OR6N1: variants seen among roughly 807,000 people sequenced by gnomAD.
OR6N1 encodes olfactory receptor 6N1.
For missense variants in OR6N1, 394 were observed against 371.7 expected (o/e 1.06, Z -0.49); for synonymous variants, 170 against 150.7 (o/e 1.13, Z -0.94).
At chr1:158,797,509 G>A in the OR6N1 span, among the ~76,000 whole-genome samples, 2 of 152,140 alleles carry the variant, frequency 1.3e-5, no homozygotes, top group Non-Finnish European at 1.5e-5. Context: ...CACTGTATGT[G>A]TATATTTTGT....
the OR6N1 span, among the ~76,000 whole-genome samples, chr1:158,787,672 T>C: frequency 0.034 from 3,644 of 107,756 alleles, 154 homozygotes; most frequent in African/African-American, 0.12. Flanking sequence ...CACACACACA[T>C]ACACAAATAC....
the OR6N1 span, among the ~76,000 whole-genome samples, chr1:158,823,069 A>G: frequency 6.6e-6 from 1 of 152,186 alleles, no homozygotes; most frequent in African/African-American, 2.4e-5. Flanking sequence ...ACACTTGGTC[A>G]TGGTGGACTA....
chr1:158,816,315 G>A, the OR6N1 span, among the ~76,000 whole-genome samples: 1 of 152,138 alleles, frequency 6.6e-6, no homozygotes, highest in Non-Finnish European at 1.5e-5. Context: ...CACTTTGTAT[G>A]TTTTGTTTCC....
At chr1:158,797,170 C>T in the OR6N1 span, among the ~76,000 whole-genome samples, 4 of 152,224 alleles carry the variant, frequency 2.6e-5, 1 homozygote, top group South Asian at 8.3e-4. Flanking sequence ...CACCTGCCCC[C>T]TTTGTCTCTG....
chr1:158,784,043 T>C, the OR6N1 span, among the ~76,000 whole-genome samples: 3 of 151,984 alleles, frequency 2.0e-5, no homozygotes, highest in African/African-American at 7.3e-5. Flanking sequence ...GAGGCGGAGC[T>C]TGCAGTGAGC....
the OR6N1 span, among the ~76,000 whole-genome samples, chr1:158,816,445 A>T: frequency 6.6e-6 from 1 of 151,872 alleles, no homozygotes; most frequent in African/African-American, 2.4e-5. Flanking sequence ...TAATCCCAGC[A>T]CTTCAGGAGG....
chr1:158,836,928 A>G, the OR6N1 span, among the ~76,000 whole-genome samples: 3 of 151,846 alleles, frequency 2.0e-5, no homozygotes, highest in Non-Finnish European at 1.5e-5. Context: ...TTCTCTAAAT[A>G]TGGATTTAAA....
At chr1:158,786,298 C>A in the OR6N1 span, among the ~76,000 whole-genome samples, 121 of 152,090 alleles carry the variant, frequency 8.0e-4, 2 homozygotes, top group Admixed American at 1.2e-3. Context: ...TAATGAGAGA[C>A]CACCTTACTC....
chr1:158,791,838 C>A, the OR6N1 span, among the ~76,000 whole-genome samples: 12 of 152,138 alleles, frequency 7.9e-5, no homozygotes, highest in Non-Finnish European at 1.2e-4. Flanking sequence ...GGAGAATGTT[C>A]CATGTGTCAA....
the OR6N1 span, among the ~76,000 whole-genome samples, chr1:158,804,359 G>A: frequency 2.0e-5 from 3 of 152,112 alleles, no homozygotes; most frequent in Non-Finnish European, 4.4e-5. Flanking sequence ...TACAACCTGA[G>A]GGTCCATTGC....
At chr1:158,773,532 G>A (rs1331799727), upstream of OR6N1, among the ~76,000 whole-genome samples, 1 of 151,910 alleles carries the variant, frequency 6.6e-6, no homozygotes, top group African/African-American at 2.4e-5. Context: ...TATGTGTTGG[G>A]GTAAATGTTT....
chr1:158,829,628 A>T, the OR6N1 span, among the ~76,000 whole-genome samples: 2 of 152,088 alleles, frequency 1.3e-5, no homozygotes, highest in Non-Finnish European at 2.9e-5. Context: ...TCTTCTTCTG[A>T]GCCTTCCAAA....
Position 158,765,566 on chromosome 1 carries a change from G to A in OR6N1, c.*178C>T, listed in dbSNP as rs958030759. On this transcript the variant is annotated 3_prime_UTR_variant, in exon 2 of 2. Transcript: ENST00000641846. The stretch of plus-strand genomic sequence containing the variant: ...CCTAGTCTCTGGTCTCAAGCCAAAT[G>A]TGGCTCCAGCAGACAGTATGAAGGT... 8.9e-5 allele frequency: 51 copies of A among 572,232 alleles called. No individual in the cohort carries two copies. Among genetic ancestry groups the A allele is most frequent in the African/African-American group, 4.1e-4 (22 of 53,716 alleles). The allele number at this position is 572,232 out of a possible 1,614,324, so 35.4% of individuals were successfully genotyped here. A position where few individuals can be genotyped will look rare whatever the true frequency, so the allele number is the denominator to read the frequency against.
At chr1:158,794,917 G>A in the OR6N1 span, among the ~76,000 whole-genome samples, 1 of 152,142 alleles carries the variant, frequency 6.6e-6, no homozygotes, top group Non-Finnish European at 1.5e-5. Flanking sequence ...CAGGGAAGGT[G>A]GTCTGGCATC....
rs573354929 is a variant in OR6N1, at chr1:158,765,434, G to A, written c.*310C>T. On this transcript the variant is annotated 3_prime_UTR_variant, in exon 2 of 2. Transcript: ENST00000641846. ...GTAAATTTGAAAAATGCCTATAAAC[G>A]TATAATAGGTAAGACACAGATTTTA... 7.5e-5 allele frequency: 17 copies of A among 226,652 alleles called. No individual in the cohort carries two copies. In the South Asian group the frequency reaches 9.9e-4, roughly 13 times the overall value. 14.0% of individuals were successfully genotyped at this position (226,652 alleles called of 1,614,324 possible).
chr1:158,817,014 T>C, the OR6N1 span, among the ~76,000 whole-genome samples: 111 of 152,334 alleles, frequency 7.3e-4, 1 homozygote, highest in East Asian at 0.016. Flanking sequence ...GCAAGTTCAG[T>C]AACATTTTTA....
the OR6N1 span, among the ~76,000 whole-genome samples, chr1:158,838,789 C>G: frequency 1.3e-5 from 2 of 151,966 alleles, no homozygotes; most frequent in East Asian, 3.8e-4. Context: ...AAAGTTTGTT[C>G]TTCAGCCTTG....
the OR6N1 span, among the ~76,000 whole-genome samples, chr1:158,814,027 A>T: frequency 1.3e-5 from 2 of 152,158 alleles, no homozygotes; most frequent in Non-Finnish European, 2.9e-5. Flanking sequence ...AAACAAATAC[A>T]TGAATTTTAA....
At chr1:158,795,756 TG>T in the OR6N1 span, among the ~76,000 whole-genome samples, 5 of 152,142 alleles carry the variant, frequency 3.3e-5, no homozygotes, top group South Asian at 1.0e-3. Context: ...CTCCCCACTG[TG>T]GGAATGTGTG....
Sources: allele counts gnomAD v4.1 joint callset (sites outside exome capture counted in the v4.1 genomes callset), GRCh38; gene constraint gnomAD v4.1.1; transcripts MANE v1.5; gene names NCBI Gene and HGNC (gene_info 2026-07-23, HGNC 2026-07-21).